Variants in CSMD1 observed in about 807,000 individuals in gnomAD.
CSMD1 encodes the protein CUB and sushi domain-containing protein 1.
Under a neutral mutation model 417.5 loss-of-function variants are expected in CSMD1, and 213 were observed. The observed-to-expected ratio is 0.51, with a 90% confidence interval of 0.46 to 0.57. The LOEUF (loss-of-function observed/expected upper bound fraction) is 0.57. CSMD1 is among the 20% of genes least tolerant of loss of function. The pLI, the probability that CSMD1 is intolerant of heterozygous loss-of-function variation, is 0.00. For missense variants in CSMD1, 6,923 were observed against 4,529.7 expected (o/e 1.53, Z -15.17); for synonymous variants, 2,862 against 1,736.8 (o/e 1.65, Z -16.11).
At chr8:4,890,214 T>G (rs2028234) in intron 1 of CSMD1, among the ~76,000 whole-genome samples, 1 of 151,962 alleles carries the variant, frequency 6.6e-6, no homozygotes, top group Non-Finnish European at 1.5e-5. Context: ...CACTTGATCT[T>G]GGCTCAGGCT....
intron 1 of CSMD1, among the ~76,000 whole-genome samples, chr8:4,662,437 T>A (rs539362424): frequency 1.3e-5 from 2 of 152,332 alleles, no homozygotes; most frequent in South Asian, 2.1e-4. Flanking sequence ...TTTCTTTTAA[T>A]AACACTAATT....
chr8:4,370,352 T>C (rs1290019070), intron 3 of CSMD1, among the ~76,000 whole-genome samples: 1 of 152,186 alleles, frequency 6.6e-6, no homozygotes, highest in East Asian at 1.9e-4. Flanking sequence ...ACCTGCTCCT[T>C]CTCTCTAGCT....
chr8:3,932,958 T>A (rs995913470), intron 5 of CSMD1, among the ~76,000 whole-genome samples: 1 of 150,362 alleles, frequency 6.7e-6, no homozygotes, highest in African/African-American at 2.5e-5. Flanking sequence ...TGTGAATTTT[T>A]AAATTTTTTG....
intron 2 of CSMD1, among the ~76,000 whole-genome samples, chr8:4,449,664 C>T (rs1799015371): frequency 6.6e-6 from 1 of 151,982 alleles, no homozygotes; most frequent in South Asian, 2.1e-4. Flanking sequence ...ACATAATCAG[C>T]CTGAGAGGAA....
intron 10 of CSMD1, among the ~76,000 whole-genome samples, chr8:3,505,216 G>A (rs1335807718): frequency 6.6e-6 from 1 of 152,152 alleles, no homozygotes; most frequent in Non-Finnish European, 1.5e-5. Flanking sequence ...AAGTCGCAAT[G>A]CAATAATGGA....
intron 17 of CSMD1, among the ~76,000 whole-genome samples, chr8:3,392,264 A>T (rs1023457913): frequency 5.9e-5 from 9 of 152,178 alleles, no homozygotes; most frequent in Admixed American, 4.6e-4. Flanking sequence ...ATAAAAAAAT[A>T]AAATAAATAA....
intron 6 of CSMD1, among the ~76,000 whole-genome samples, chr8:3,726,144 G>C (rs1442811008): frequency 6.6e-6 from 1 of 151,884 alleles, no homozygotes; most frequent in Non-Finnish European, 1.5e-5. Flanking sequence ...CAGCCATGCA[G>C]GCACCGAGGC....
chr8:3,072,058 G>A (rs552203002), intron 49 of CSMD1, among the ~76,000 whole-genome samples: 26 of 152,278 alleles, frequency 1.7e-4, no homozygotes, highest in Middle Eastern at 3.4e-3. Context: ...TACAATGCTC[G>A]TCTAAGTTAT....
In CSMD1 at chr8:3,466,788, T is replaced by C. The variant is rs548121525; in HGVS notation, c.1561+1924A>G. 1.3e-4 allele frequency among the ~76,000 whole-genome samples: 20 copies of C among 152,294 alleles called. No homozygotes were observed. In the East Asian group the frequency reaches 3.3e-3, roughly 25 times the overall value. On this transcript the variant is annotated intron_variant, in intron 12 of 69. Coordinates refer to ENST00000635120, the MANE Select transcript of CSMD1 (RefSeq NM_033225.6). Reference sequence around the variant, plus strand: ...CTTTGAGTCAAATAATATAAAATTATGTATACGCATAAAGGTCACTTTTAT... The same window carrying C: ...CTTTGAGTCAAATAATATAAAATTACGTATACGCATAAAGGTCACTTTTAT...
At chr8:3,169,586 G>C (rs983031986) in intron 37 of CSMD1, among the ~76,000 whole-genome samples, 9 of 152,198 alleles carry the variant, frequency 5.9e-5, no homozygotes, top group Admixed American at 1.3e-4. Flanking sequence ...GTAGAGATTG[G>C]CTACAAAACA....
intron 26 of CSMD1, among the ~76,000 whole-genome samples, chr8:3,248,780 C>T (rs540106684): frequency 6.6e-6 from 1 of 152,070 alleles, no homozygotes; most frequent in Non-Finnish European, 1.5e-5. Context: ...GTGTCCATAG[C>T]TAGGGACAAT....
chr8:3,311,658 T>TTTCTACTGAACGTGTATTAC (rs1456237023), intron 23 of CSMD1, among the ~76,000 whole-genome samples: 6 of 152,226 alleles, frequency 3.9e-5, no homozygotes, highest in Admixed American at 3.9e-4. Flanking sequence ...CAAAGTATAC[T>TTTCTACTGAACGTGTATTAC]TTCTACTGAA....
At chr8:3,836,498 C>T (rs12549568) in intron 5 of CSMD1, among the ~76,000 whole-genome samples, 58,300 of 151,874 alleles carry the variant, frequency 0.38, 12,275 homozygotes, top group African/African-American at 0.56. Flanking sequence ...GCTGTATATA[C>T]TAATTTTAAG....
At chr8:3,636,237 G>C (rs1019166129) in intron 7 of CSMD1, among the ~76,000 whole-genome samples, 3 of 152,174 alleles carry the variant, frequency 2.0e-5, no homozygotes, top group Non-Finnish European at 4.4e-5. Flanking sequence ...GCGTGGAACT[G>C]TCATTTTCTA....
chr8:4,968,230 T>G (rs1335102244), intron 1 of CSMD1, among the ~76,000 whole-genome samples: 1 of 149,526 alleles, frequency 6.7e-6, no homozygotes, highest in Non-Finnish European at 1.5e-5. Context: ...TTGATTCATT[T>G]TTAAAAATTC....
At chr8:4,330,421 C>G (rs1328182748) in intron 3 of CSMD1, among the ~76,000 whole-genome samples, 1 of 151,832 alleles carries the variant, frequency 6.6e-6, no homozygotes, top group Non-Finnish European at 1.5e-5. Flanking sequence ...TGAAGAAATC[C>G]CACACCAAAT....
At chr8:3,812,007 T>C (rs990443025) in intron 5 of CSMD1, among the ~76,000 whole-genome samples, 2 of 151,574 alleles carry the variant, frequency 1.3e-5, no homozygotes, top group African/African-American at 2.4e-5. Context: ...ATTCAAACCA[T>C]TTACTAATCT....
chr8:4,196,721 G>A (rs1799360461), intron 3 of CSMD1, among the ~76,000 whole-genome samples: 1 of 152,046 alleles, frequency 6.6e-6, no homozygotes, highest in Non-Finnish European at 1.5e-5. Flanking sequence ...GTCCACCAGG[G>A]TAATTAGGAT....
chr8:3,911,572 T>G (rs1406048725), intron 5 of CSMD1, among the ~76,000 whole-genome samples: 1 of 151,434 alleles, frequency 6.6e-6, no homozygotes. Context: ...ACGAAGGCTA[T>G]ATAACACCAG....
Sources: gnomAD v4.1 joint callset for allele counts (sites outside exome capture counted in the v4.1 genomes callset) on GRCh38, gnomAD v4.1.1 for gene constraint, MANE v1.5 for transcripts, NCBI Gene and HGNC (gene_info 2026-07-23, HGNC 2026-07-21) for gene names.